The following NOL4 variants were observed in gnomAD, a reference collection of about 807,000 sequenced individuals.
NOL4 encodes the protein nucleolar protein 4.
Under a neutral mutation model 75.9 loss-of-function variants are expected in NOL4, and 17 were observed. The ratio of observed to expected loss-of-function variants is 0.22; its 90% confidence interval spans 0.15 to 0.34. The LOEUF is 0.34. Ranked by LOEUF, NOL4 falls within the 10% of genes least tolerant of loss-of-function variation. The pLI, the probability that NOL4 is intolerant of heterozygous loss-of-function variation, is 1.00. For synonymous variants in NOL4, 292 were observed against 289.9 expected, an observed-to-expected ratio of 1.01 and a Z score of -0.07; for missense variants, 614 against 793.5, an observed-to-expected ratio of 0.77 and a Z score of 2.72.
chr18:33,947,447 G>A (rs374127654), intron 8 of NOL4, among the ~76,000 whole-genome samples: 1 of 151,560 alleles, frequency 6.6e-6, no homozygotes, highest in African/African-American at 2.4e-5. Context: ...TGTAATAATT[G>A]GAGATAGGAA....
At chr18:33,951,944 C>A (rs1465546111) in intron 8 of NOL4, among the ~76,000 whole-genome samples, 1 of 152,106 alleles carries the variant, frequency 6.6e-6, no homozygotes, top group East Asian at 1.9e-4. Context: ...GACATTCATA[C>A]CCCAGCCCTA....
intron 10 of NOL4, among the ~76,000 whole-genome samples, chr18:33,869,692 T>G (rs1413338855): frequency 6.6e-6 from 1 of 152,072 alleles, no homozygotes; most frequent in African/African-American, 2.4e-5. Context: ...ATATGAAATA[T>G]AGAGTATTTA....
chr18:33,860,640 A>G (rs536961319), intron 10 of NOL4, among the ~76,000 whole-genome samples: 3 of 151,798 alleles, frequency 2.0e-5, no homozygotes, highest in African/African-American at 4.8e-5. Flanking sequence ...TCTCCTGCCT[A>G]ATTGCCCTGG....
intron 1 of NOL4, among the ~76,000 whole-genome samples, chr18:34,209,837 G>A (rs1000361691): frequency 6.6e-6 from 1 of 152,116 alleles, no homozygotes; most frequent in Admixed American, 6.5e-5. Flanking sequence ...TAAAATAATG[G>A]CAAGTATTTA....
At chr18:34,161,542 G>T (rs1405763218) in intron 1 of NOL4, among the ~76,000 whole-genome samples, 3 of 152,022 alleles carry the variant, frequency 2.0e-5, no homozygotes, top group African/African-American at 7.2e-5. Context: ...CATTCTAACT[G>T]GGGTAAGATG....
chr18:34,167,754 T>C (rs2032565603), intron 1 of NOL4, among the ~76,000 whole-genome samples: 1 of 151,990 alleles, frequency 6.6e-6, no homozygotes, highest in Non-Finnish European at 1.5e-5. Context: ...CTGAGAGCAA[T>C]TTCCTATACC....
chr18:34,014,106 T>A (rs1366893538), intron 6 of NOL4, among the ~76,000 whole-genome samples: 1 of 151,974 alleles, frequency 6.6e-6, no homozygotes, highest in Non-Finnish European at 1.5e-5. Flanking sequence ...TTGAAACTTG[T>A]GCTGCTTCCA....
At chr18:34,168,224 A>G (rs2032631420) in intron 1 of NOL4, among the ~76,000 whole-genome samples, 1 of 152,018 alleles carries the variant, frequency 6.6e-6, no homozygotes, top group Non-Finnish European at 1.5e-5. Context: ...AAGACTGTCA[A>G]GCAAGAGACT....
chr18:33,859,611 A>T (rs1046230351), intron 10 of NOL4, among the ~76,000 whole-genome samples: 1 of 152,138 alleles, frequency 6.6e-6, no homozygotes, highest in African/African-American at 2.4e-5. Flanking sequence ...GTATCAGTCC[A>T]TTCTTATACT....
intron 5 of NOL4, among the ~76,000 whole-genome samples, chr18:34,019,986 T>C (rs1202113340): frequency 2.0e-5 from 3 of 151,820 alleles, no homozygotes; most frequent in Admixed American, 6.6e-5. Context: ...ACCTCTTCTC[T>C]CTCTCTCTTG....
intron 1 of NOL4, among the ~76,000 whole-genome samples, chr18:34,216,076 T>A (rs1378119438): frequency 6.6e-6 from 1 of 152,194 alleles, no homozygotes; most frequent in Non-Finnish European, 1.5e-5. Context: ...TGTTCAAGGA[T>A]CAACTGTACA....
intron 4 of NOL4, among the ~76,000 whole-genome samples, chr18:34,099,376 A>AAAAAAAAAAAAAAAAAAT (rs1283092250): frequency 6.7e-6 from 1 of 150,144 alleles, no homozygotes; most frequent in African/African-American, 2.4e-5. Context: ...AAAAAAAAAA[A>AAAAAAAAAAAAAAAAAAT]AGACAACTAC....
At chr18:34,139,834 C>G (rs1476068636) in intron 1 of NOL4, among the ~76,000 whole-genome samples, 1 of 152,194 alleles carries the variant, frequency 6.6e-6, no homozygotes, top group Non-Finnish European at 1.5e-5. Flanking sequence ...AAACTTCCCT[C>G]TACACACTGC....
intron 6 of NOL4, among the ~76,000 whole-genome samples, chr18:33,989,706 G>A (rs2072771888): frequency 6.6e-6 from 1 of 152,034 alleles, no homozygotes; most frequent in African/African-American, 2.4e-5. Flanking sequence ...TAAAAGAGTT[G>A]ATGTTAGTAA....
At chr18:34,161,468 ATTATG>A (rs2031466985) in intron 1 of NOL4, among the ~76,000 whole-genome samples, 1 of 152,084 alleles carries the variant, frequency 6.6e-6, no homozygotes, top group Admixed American at 6.6e-5. Flanking sequence ...AATAAACACT[ATTATG>A]TTTATTCCTT....
intron 10 of NOL4, among the ~76,000 whole-genome samples, chr18:33,871,121 A>T (rs2063679150): frequency 6.6e-6 from 1 of 152,122 alleles, no homozygotes; most frequent in South Asian, 2.1e-4. Flanking sequence ...TTAAGAGCCA[A>T]ATGACATTTA....
chr18:34,068,064 A>T (rs2077356191), intron 5 of NOL4, among the ~76,000 whole-genome samples: 1 of 152,174 alleles, frequency 6.6e-6, no homozygotes, highest in Non-Finnish European at 1.5e-5. Context: ...GAAAATGAGA[A>T]AGAAAAGCCA....
At chr18:34,163,371 C>T (rs1427896025) in intron 1 of NOL4, among the ~76,000 whole-genome samples, 2 of 151,614 alleles carry the variant, frequency 1.3e-5, no homozygotes, top group Non-Finnish European at 2.9e-5. Flanking sequence ...TCTCCTTAAG[C>T]TGATAGGCAA....
In NOL4 at chr18:33,880,305, CTGTGTGTG is replaced by C. The variant is rs61306180; in HGVS notation, c.1723+2931_1723+2938del. Among the ~76,000 whole-genome samples, 57 of 144,458 alleles carry C rather than the reference CTGTGTGTG, an allele frequency of 3.9e-4. 1 individual carries two copies. The highest frequency in any genetic ancestry group is 2.5e-3 in the Admixed American group (36 of 14,330). The allele number at this position is 144,458 out of a possible 152,430, so 94.8% of individuals were successfully genotyped here. A position where few individuals can be genotyped will look rare whatever the true frequency, so the allele number is the denominator to read the frequency against. Reference sequence around the variant, plus strand: ...GGTGTTTTTGTCATGCAAAAGGGGTCTGTGTGTGTGTGTGTGTGTGTGTGTGTGTGTGT... The same window carrying C: ...GGTGTTTTTGTCATGCAAAAGGGGTCTGTGTGTGTGTGTGTGTGTGTGTGT... On this transcript the variant is annotated intron_variant, in intron 10 of 10. Transcript: ENST00000261592.
Sources: gnomAD v4.1 joint callset for allele counts (sites outside exome capture counted in the v4.1 genomes callset) on GRCh38, gnomAD v4.1.1 for gene constraint, MANE v1.5 for transcripts, NCBI Gene and HGNC (gene_info 2026-07-23, HGNC 2026-07-21) for gene names.